SYCP1: variants seen among roughly 807,000 people sequenced by gnomAD.
SYCP1 encodes synaptonemal complex protein 1, also known as cancer/testis antigen 8.
SYCP1 carries 64 observed loss-of-function variants against 153.1 expected under a neutral mutation model. The observed-to-expected ratio is 0.42, with a 90% CI of 0.34 to 0.51. SYCP1 has a LOEUF of 0.51. Among genes scored for constraint, SYCP1 ranks in the 20% least tolerant of loss-of-function variants. The probability of loss-of-function intolerance (pLI) is 0.06; values close to 1 mark genes in which losing one functional copy is unlikely to be tolerated. For synonymous variants in SYCP1, 384 were observed against 341.8 expected (o/e 1.12, Z -1.36); for missense variants, 997 against 1,049.0 (o/e 0.95, Z 0.68).
chr1:114,963,186 T>C (rs1225294839), intron 27 of SYCP1, among the ~76,000 whole-genome samples: 3 of 152,142 alleles, frequency 2.0e-5, no homozygotes, highest in African/African-American at 7.2e-5. Flanking sequence ...CTGGGTATTC[T>C]TTGAGCCTCT....
intron 27 of SYCP1, among the ~76,000 whole-genome samples, chr1:114,953,910 T>G (rs181824869): frequency 3.9e-5 from 6 of 152,340 alleles, no homozygotes; most frequent in Admixed American, 1.3e-4. Flanking sequence ...AGTTTTCAAA[T>G]CTATAGCATG....
chr1:114,902,252 C>A (rs1164578054), intron 16 of SYCP1, among the ~76,000 whole-genome samples: 5 of 152,030 alleles, frequency 3.3e-5, no homozygotes, highest in Admixed American at 3.3e-4. Flanking sequence ...CAGAAGAAAT[C>A]CGAAGGAAAA....
chr1:114,945,769 C>CT, intron 25 of SYCP1, among the ~76,000 whole-genome samples: 1 of 137,410 alleles, frequency 7.3e-6, no homozygotes, highest in Non-Finnish European at 1.6e-5. Flanking sequence ...TTTAAGGCTT[C>CT]TTTTTTTGAT....
At chr1:114,929,941 GC>G (rs1557809390) in intron 23 of SYCP1, among the ~76,000 whole-genome samples, 1 of 152,012 alleles carries the variant, frequency 6.6e-6, no homozygotes, top group Admixed American at 6.6e-5. Flanking sequence ...TACATGCTGA[GC>G]CATAAACAAG....
intron 27 of SYCP1, among the ~76,000 whole-genome samples, chr1:114,959,427 C>T (rs112651961): frequency 5.3e-5 from 8 of 151,908 alleles, no homozygotes; most frequent in African/African-American, 1.7e-4. Flanking sequence ...CTATAGTTTT[C>T]TGTCTTTTAA....
At chr1:114,948,496 A>T (rs1293665109) in intron 27 of SYCP1, among the ~76,000 whole-genome samples, 2 of 152,174 alleles carry the variant, frequency 1.3e-5, no homozygotes, top group Non-Finnish European at 2.9e-5. Context: ...GCCTCTGAGA[A>T]TTTGTTTACT....
chr1:114,926,640 A>G, intron 23 of SYCP1, 77 bp downstream of exon 23: 1 of 1,249,652 alleles, frequency 8.0e-7, no homozygotes, highest in Non-Finnish European at 1.1e-6. Context: ...CCACTTGTTT[A>G]TACAGTATAA....
intron 27 of SYCP1, among the ~76,000 whole-genome samples, chr1:114,952,004 G>C (rs949103315): frequency 1.3e-5 from 2 of 152,032 alleles, no homozygotes; most frequent in African/African-American, 2.4e-5. Context: ...CTTTTTTTTA[G>C]TTTTTATTGC....
At chr1:114,854,774 G>C (rs1314969104), upstream of SYCP1, 1 of 152,148 alleles carries the variant, frequency 6.6e-6, no homozygotes, top group African/African-American at 2.4e-5. Context: ...TGTTCCTAGC[G>C]ATTAGGGAAA....
intron 27 of SYCP1, among the ~76,000 whole-genome samples, chr1:114,954,563 A>C (rs1671315397): frequency 6.7e-6 from 1 of 149,950 alleles, no homozygotes; most frequent in African/African-American, 2.4e-5. Flanking sequence ...TTATTTATTT[A>C]TTTATTTATT....
chr1:114,954,360 G>A (rs747937), intron 27 of SYCP1, among the ~76,000 whole-genome samples: 30,075 of 151,730 alleles, frequency 0.2, 3,467 homozygotes, highest in Non-Finnish European at 0.26. Context: ...TGATTTTTGT[G>A]TTTATTTTGT....
intron 27 of SYCP1, among the ~76,000 whole-genome samples, chr1:114,972,452 T>C (rs1045658847): frequency 2.0e-5 from 3 of 152,142 alleles, no homozygotes; most frequent in African/African-American, 4.8e-5. Flanking sequence ...CTACTAACTT[T>C]GGGTTTGGTT....
chr1:114,904,413 G>T (rs116838341), intron 16 of SYCP1, among the ~76,000 whole-genome samples: 1 of 151,972 alleles, frequency 6.6e-6, no homozygotes, highest in Non-Finnish European at 1.5e-5. Context: ...ACCTCGCCCC[G>T]CCTAGAATTA....
At position 114,971,739 on chromosome 1, in the gene SYCP1, T is replaced by C. The variant is rs187609989; in HGVS notation, c.2323-5818T>C. Among the ~76,000 whole-genome samples the C allele has an allele frequency of 1.6e-3, 244 of 152,324 alleles. 1 individual carries two copies. Among genetic ancestry groups the C allele is most frequent in the African/African-American group, 5.7e-3 (237 of 41,576 alleles). On this transcript the variant is annotated intron_variant, in intron 27 of 31. Coordinates refer to ENST00000369522, the MANE Select transcript of SYCP1 (RefSeq NM_003176.4). ...ATCACACTGATTTATTTGTGTATGT[T>C]GAATCATTCTTGCATCCATGGGATA... is the stretch of plus-strand genomic sequence containing the variant.
chr1:114,929,163 G>T (rs932994203), intron 23 of SYCP1, among the ~76,000 whole-genome samples: 1 of 152,086 alleles, frequency 6.6e-6, no homozygotes, highest in African/African-American at 2.4e-5. Flanking sequence ...CTGGAGGTAG[G>T]ATTTCAACAT....
At position 114,886,173 on chromosome 1, in the gene SYCP1, A is replaced by G. The variant is rs1372589562; in HGVS notation, c.1054A>G (p.Ile352Val). ...AGATTTACAGATAGCAACAAAAACA[A>G]TTTGTCAGCTAACTGAAGAAAAAGA... ...EEDLQIATKT[I>V]CQLTEEKETQ... is the part of the protein sequence containing the mutation. The change falls in exon 14 of 32, where the codon ATT (isoleucine) becomes GTT (valine). Residue 352 changes from isoleucine to valine, a missense_variant. Coordinates refer to ENST00000369522, the MANE Select transcript of SYCP1 (RefSeq NM_003176.4). The G allele has an allele frequency of 6.2e-7, 1 of 1,611,432 alleles. No homozygotes were observed. The highest frequency in any genetic ancestry group is 1.1e-5 in the South Asian group (1 of 90,426).
rs368249225 is a variant in SYCP1 at position 114,876,793 on chromosome 1, A to C, written c.784A>C (p.Asn262His). 2 of 1,398,158 alleles carry C rather than the reference A, an allele frequency of 1.4e-6. No homozygotes were observed. Among genetic ancestry groups the C allele is most frequent in the Non-Finnish European group, 1.9e-6 (2 of 1,071,408 alleles). The allele number at this position is 1,398,158 out of a possible 1,614,324, so 86.6% of individuals were successfully genotyped here. Residue 262 changes from asparagine (N) to histidine (H), a missense_variant, in exon 11 of 32, where the codon AAT becomes CAT. Transcript: ENST00000369522. ...HLEQEYKKEI[N>H]DKEKQVSLLL... ...TGAACAAGAATACAAGAAGGAAATA[A>C]ATGACAAGGAAAAGCAGGTTTTTTA...
At chr1:114,994,186 G>A (rs1674114650) in intron 30 of SYCP1, among the ~76,000 whole-genome samples, 2 of 151,310 alleles carry the variant, frequency 1.3e-5, no homozygotes, top group South Asian at 4.1e-4. Flanking sequence ...ATTAACATGG[G>A]TGTACAATTA....
rs145026749 is a variant in SYCP1 at position 114,938,730 on chromosome 1, A to G, written c.1927-5609A>G. On this transcript the variant is annotated intron_variant, in intron 23 of 31. Coordinates refer to ENST00000369522, the MANE Select transcript of SYCP1 (RefSeq NM_003176.4). ...CATCCATAAATTCATCTTGGCCTGGAAAAAAAAATAAAGTATGGGCAAAGG... is the reference window on the plus strand; with the variant it reads ...CATCCATAAATTCATCTTGGCCTGGGAAAAAAAATAAAGTATGGGCAAAGG... 1.0e-3 allele frequency among the ~76,000 whole-genome samples: 158 copies of G among 151,362 alleles called. 2 individuals are homozygous for G. Among genetic ancestry groups the G allele is most frequent in the African/African-American group, 3.7e-3 (153 of 41,354 alleles).
Sources: allele counts gnomAD v4.1 joint callset (sites outside exome capture counted in the v4.1 genomes callset), GRCh38; gene constraint gnomAD v4.1.1; transcripts MANE v1.5; gene names NCBI Gene and HGNC (gene_info 2026-07-23, HGNC 2026-07-21).